LRP1B: variants seen among roughly 807,000 people sequenced by gnomAD.
LRP1B encodes low-density lipoprotein receptor-related protein 1B.
A neutral mutation model predicts 556.6 loss-of-function variants in LRP1B; 217 were observed. The observed-to-expected ratio is 0.39, with a 90% CI of 0.35 to 0.44. The LOEUF (loss-of-function observed/expected upper bound fraction) is 0.44, where lower values mean the gene tolerates loss of function less well. Ranked by LOEUF, LRP1B falls within the 20% of genes least tolerant of loss-of-function variation. LRP1B has a pLI of 1.00. For synonymous variants in LRP1B, 2,047 were observed against 1,865.8 expected, an observed-to-expected ratio of 1.10 and a Z score of -2.50; for missense variants, 5,053 against 5,620.8, an observed-to-expected ratio of 0.90 and a Z score of 3.23.
intron 66 of LRP1B, among the ~76,000 whole-genome samples, chr2:140,421,155 T>C (rs911369916): frequency 6.6e-6 from 1 of 152,194 alleles, no homozygotes; most frequent in African/African-American, 2.4e-5. Flanking sequence ...CTCGGGAGGC[T>C]GAGGCAGGAG....
intron 41 of LRP1B, among the ~76,000 whole-genome samples, chr2:140,609,349 T>C (rs1682986124): frequency 6.6e-6 from 1 of 152,176 alleles, no homozygotes; most frequent in Non-Finnish European, 1.5e-5. Flanking sequence ...AGGTTTCCTT[T>C]AGGGTCCTCC....
At chr2:141,259,742 A>C (rs572713360) in intron 3 of LRP1B, among the ~76,000 whole-genome samples, 1 of 152,370 alleles carries the variant, frequency 6.6e-6, no homozygotes, top group East Asian at 1.9e-4. Flanking sequence ...TGATGGGTAC[A>C]TGACTAAAGC....
intron 7 of LRP1B, among the ~76,000 whole-genome samples, chr2:141,116,163 A>C (rs1040912517): frequency 2.6e-5 from 4 of 152,334 alleles, no homozygotes; most frequent in South Asian, 2.1e-4. Context: ...AAAGTAAAAA[A>C]ACTGTATAAT....
intron 66 of LRP1B, among the ~76,000 whole-genome samples, chr2:140,402,194 C>T (rs1008294082): frequency 6.6e-5 from 10 of 152,172 alleles, no homozygotes; most frequent in African/African-American, 1.4e-4. Flanking sequence ...GGGAACACCC[C>T]GTGGGACAAA....
At chr2:141,181,320 C>T (rs1026615697) in intron 7 of LRP1B, among the ~76,000 whole-genome samples, 2 of 151,856 alleles carry the variant, frequency 1.3e-5, no homozygotes, top group Non-Finnish European at 2.9e-5. Context: ...AAAAAGGAAC[C>T]CATGTCCTCA....
chr2:140,263,373 A>G (rs769899388), intron 86 of LRP1B, among the ~76,000 whole-genome samples: 1 of 152,152 alleles, frequency 6.6e-6, no homozygotes, highest in African/African-American at 2.4e-5. Flanking sequence ...GGTTGAATCC[A>G]TGAGCCACAC....
chr2:140,930,765 C>A (rs1226528128), intron 20 of LRP1B, among the ~76,000 whole-genome samples: 4 of 152,082 alleles, frequency 2.6e-5, no homozygotes, highest in Non-Finnish European at 5.9e-5. Flanking sequence ...ATTATAATCA[C>A]CATGTGTCAG....
rs201724050 is a variant in LRP1B, at chr2:140,673,937, CTTTTT to C, written c.6799+26308_6799+26312del. 8.4e-3 allele frequency among the ~76,000 whole-genome samples: 1,241 copies of C among 147,008 alleles called. 7 individuals are homozygous for C. The highest frequency in any genetic ancestry group is 0.013 in the Non-Finnish European group (847 of 67,230). ...TTTTACCCCGAAATATATCTCTTTTCTTTTTTCTTTTTTTTTTTTTTCTTTTTTTG... is the reference window on the plus strand; with the variant it reads ...TTTTACCCCGAAATATATCTCTTTTCTCTTTTTTTTTTTTTTCTTTTTTTG... On this transcript the variant is annotated intron_variant, in intron 41 of 90. Transcript: ENST00000389484.
At chr2:141,040,170 ATCTTAGAG>A (rs1249033808) in intron 11 of LRP1B, among the ~76,000 whole-genome samples, 1 of 152,110 alleles carries the variant, frequency 6.6e-6, no homozygotes, top group Non-Finnish European at 1.5e-5. Context: ...CAGAGTATAT[ATCTTAGAG>A]TCTTAAAGCT....
At chr2:142,059,441 G>T (rs938207597) in intron 1 of LRP1B, among the ~76,000 whole-genome samples, 4 of 152,062 alleles carry the variant, frequency 2.6e-5, no homozygotes, top group African/African-American at 9.7e-5. Context: ...CATACTAATT[G>T]ACAAAATGGT....
At chr2:141,392,975 T>C (rs892482197) in intron 3 of LRP1B, among the ~76,000 whole-genome samples, 2 of 152,182 alleles carry the variant, frequency 1.3e-5, no homozygotes, top group African/African-American at 4.8e-5. Flanking sequence ...GGTTCAGATC[T>C]TTCAGCGCAC....
intron 3 of LRP1B, among the ~76,000 whole-genome samples, chr2:141,280,445 A>C (rs1685469568): frequency 6.6e-6 from 1 of 152,090 alleles, no homozygotes. Flanking sequence ...AGTAAATAAA[A>C]AATTACAAGA....
At chr2:140,564,482 C>T (rs1470328414) in intron 43 of LRP1B, among the ~76,000 whole-genome samples, 1 of 152,006 alleles carries the variant, frequency 6.6e-6, no homozygotes, top group Non-Finnish European at 1.5e-5. Flanking sequence ...AGTTTATTTT[C>T]AATACTGCTT....
intron 2 of LRP1B, among the ~76,000 whole-genome samples, chr2:141,708,905 T>A (rs1428414520): frequency 6.6e-6 from 1 of 152,166 alleles, no homozygotes; most frequent in Admixed American, 6.6e-5. Context: ...ACAAACCTGC[T>A]AATACCTTGA....
At chr2:140,484,730 A>G (rs1222335984) in intron 59 of LRP1B, among the ~76,000 whole-genome samples, 2 of 152,116 alleles carry the variant, frequency 1.3e-5, no homozygotes, top group Admixed American at 6.6e-5. Flanking sequence ...CAGCTTTGAC[A>G]CCTTCAGATG....
intron 1 of LRP1B, among the ~76,000 whole-genome samples, chr2:142,087,702 G>A (rs1447892410): frequency 6.6e-6 from 1 of 151,806 alleles, no homozygotes; most frequent in African/African-American, 2.4e-5. Flanking sequence ...GAACCACAGA[G>A]AAAGATAAAG....
chr2:140,705,554 A>AAAAAAAAAC (rs1559066751), intron 37 of LRP1B, among the ~76,000 whole-genome samples: 1 of 119,876 alleles, frequency 8.3e-6, no homozygotes. Context: ...AAAAAAAAAA[A>AAAAAAAAAC]AAAAAACACA....
At chr2:140,922,268 T>C (rs1479586080) in intron 21 of LRP1B, among the ~76,000 whole-genome samples, 1 of 142,842 alleles carries the variant, frequency 7.0e-6, no homozygotes, top group African/African-American at 2.5e-5. Flanking sequence ...TCCATTTTGG[T>C]TTCCTATTTG....
At chr2:141,458,956 G>A (rs1489471056) in intron 3 of LRP1B, among the ~76,000 whole-genome samples, 1 of 152,100 alleles carries the variant, frequency 6.6e-6, no homozygotes, top group Non-Finnish European at 1.5e-5. Flanking sequence ...AAGGAAATTG[G>A]CCTCATGCTA....
Sources: allele counts gnomAD v4.1 joint callset (sites outside exome capture counted in the v4.1 genomes callset), GRCh38; gene constraint gnomAD v4.1.1; transcripts MANE v1.5; gene names NCBI Gene and HGNC (gene_info 2026-07-23, HGNC 2026-07-21).